The following DCSTAMP variants were observed in gnomAD, a reference collection of about 807,000 sequenced individuals.
The protein encoded by DCSTAMP is dendrocyte expressed seven transmembrane protein, also known as dendritic cell-specific transmembrane protein.
Under a neutral mutation model 33.8 loss-of-function variants are expected in DCSTAMP, and 25 were observed. That is an observed-to-expected ratio of 0.74 (90% CI 0.54 to 1.03). The LOEUF (loss-of-function observed/expected upper bound fraction) is 1.03. Ranked by LOEUF, DCSTAMP falls within the 50% of genes least tolerant of loss-of-function variation. DCSTAMP has a pLI of 0.00. For synonymous variants in DCSTAMP, 245 were observed against 216.7 expected (o/e 1.13, Z -1.15); for missense variants, 531 against 556.8 (o/e 0.95, Z 0.47).
At chr8:104,354,469 A>C (rs567886774) in intron 2 of DCSTAMP, among the ~76,000 whole-genome samples, 2 of 152,268 alleles carry the variant, frequency 1.3e-5, no homozygotes, top group African/African-American at 4.8e-5. Flanking sequence ...ATGTAGAAAC[A>C]AGTATTCCAT....
chr8:104,342,448 A>G (rs1258517557), intron 1 of DCSTAMP, among the ~76,000 whole-genome samples: 2 of 152,246 alleles, frequency 1.3e-5, no homozygotes, highest in Non-Finnish European at 2.9e-5. Flanking sequence ...AAGTCAGAAA[A>G]TCTGGTGACT....
At chr8:104,348,463 G>A in intron 1 of DCSTAMP, 78 bp from the exon 2 acceptor site, 1 of 1,425,668 alleles carries the variant, frequency 7.0e-7, no homozygotes, top group South Asian at 1.4e-5. Context: ...TTTGTAGTCA[G>A]TCTACCACCA....
intron 1 of DCSTAMP, among the ~76,000 whole-genome samples, chr8:104,344,446 A>T (rs1810236051): frequency 6.6e-6 from 1 of 152,216 alleles, no homozygotes; most frequent in African/African-American, 2.4e-5. Flanking sequence ...TATGCTGGAC[A>T]GTGCATATAT....
intron 2 of DCSTAMP, among the ~76,000 whole-genome samples, chr8:104,349,871 A>G (rs998084756): frequency 6.6e-6 from 1 of 152,044 alleles, no homozygotes; most frequent in Non-Finnish European, 1.5e-5. Flanking sequence ...TTCTGGGGGG[A>G]GAAGTATGAA....
At position 104,349,137 on chromosome 8, in the gene DCSTAMP, C is replaced by A; in HGVS notation, c.585C>A (p.Ser195Arg). 6.2e-7 allele frequency: 1 copy of A among 1,614,160 alleles called. No homozygotes were observed. The highest frequency in any genetic ancestry group is 8.5e-7 in the Non-Finnish European group (1 of 1,180,024). ...ATGACAGCAAAGGGGAAGTCCTGAGCGTCTTGTACCAGATGGCAACAACCA... is the reference window on the plus strand; with the variant it reads ...ATGACAGCAAAGGGGAAGTCCTGAGAGTCTTGTACCAGATGGCAACAACCA... ...QLNDSKGEVL[S>R]VLYQMATTTE... The change falls in exon 2 of 4, where the codon AGC (serine) becomes AGA (arginine). Residue 195 changes from serine to arginine, a missense_variant. By Grantham distance (110) the Ser-to-Arg change is moderately radical. Transcript: ENST00000297581.
rs748679226 is a variant in DCSTAMP at position 104,355,086 on chromosome 8, G to C, written c.1239G>C (p.Glu413Asp). ...LVSASFYPSV[E>D]RKRIQYLHAK... ...CAGCATCTTTCTACCCCAGCGTGGA[G>C]AGGAAGCGCATCCAATATCTGCATG... Residue 413 changes from glutamate (E) to aspartate (D), a missense_variant, in exon 3 of 4, where the codon GAG becomes GAC. Glu to Asp is a conservative substitution (Grantham distance 45, BLOSUM62 2). Coordinates refer to ENST00000297581, the MANE Select transcript of DCSTAMP (RefSeq NM_030788.4). The C allele has an allele frequency of 6.2e-7, 1 of 1,614,102 alleles. No individual in the cohort carries two copies. Among genetic ancestry groups the C allele is most frequent in the East Asian group, 2.2e-5 (1 of 44,870 alleles).
At chr8:104,352,812 G>T (rs1349035889) in intron 2 of DCSTAMP, among the ~76,000 whole-genome samples, 1 of 152,140 alleles carries the variant, frequency 6.6e-6, no homozygotes, top group Non-Finnish European at 1.5e-5. Context: ...ATGTGAGTAC[G>T]AGACTGCTGT....
In DCSTAMP at chr8:104,348,671, C is replaced by T. The variant is rs374370932; in HGVS notation, c.119C>T (p.Ala40Val). The change falls in exon 2 of 4, where the codon GCT becomes GTT. Residue 40 changes from alanine (A) to valine (V), a missense_variant. Physicochemically the swap from Ala to Val is moderately conservative, Grantham distance 64. Transcript: ENST00000297581. Reference protein sequence around the residue: ...IQHLGVCCLVALISVGLLSVA... With the variant: ...IQHLGVCCLVVLISVGLLSVA... ...CATTTGGGAGTTTGCTGTTTGGTTG[C>T]TCTTATTTCAGTGGGCCTCCTGTCT... 6 of 1,614,088 alleles carry T rather than the reference C, an allele frequency of 3.7e-6. No individual in the cohort carries two copies. The highest frequency in any genetic ancestry group is 5.1e-6 in the Non-Finnish European group (6 of 1,180,044).
intron 1 of DCSTAMP, among the ~76,000 whole-genome samples, chr8:104,343,482 G>T (rs1352388036): frequency 3.3e-5 from 5 of 152,188 alleles, no homozygotes; most frequent in Non-Finnish European, 7.3e-5. Context: ...TGGACAGAAT[G>T]TTTGTGTCTT....
intron 1 of DCSTAMP, among the ~76,000 whole-genome samples, chr8:104,346,755 CAT>C (rs937958419): frequency 1.2e-4 from 19 of 152,356 alleles, no homozygotes; most frequent in East Asian, 7.7e-4. Flanking sequence ...GAAATTTACA[CAT>C]GTTTATTCAT....
chr8:104,346,921 C>T (rs1810329896), intron 1 of DCSTAMP, among the ~76,000 whole-genome samples: 1 of 152,254 alleles, frequency 6.6e-6, no homozygotes, highest in Non-Finnish European at 1.5e-5. Flanking sequence ...TTCACTGGCT[C>T]TCACTGTATT....
Position 104,348,685 on chromosome 8 carries a change from G to A in DCSTAMP, c.133G>A (p.Gly45Ser), listed in dbSNP as rs2140472589. The A allele has an allele frequency of 6.2e-7, 1 of 1,614,122 alleles. No individual in the cohort carries two copies. Among genetic ancestry groups the A allele is most frequent in the South Asian group, 1.1e-5 (1 of 91,062 alleles). ...CTGTTTGGTTGCTCTTATTTCAGTG[G>A]GCCTCCTGTCTGTGGCCGCCTGCTG... ...VCCLVALISVGLLSVAACWFL... is the reference protein window; with the variant it reads ...VCCLVALISVSLLSVAACWFL... The change falls in exon 2 of 4, where the codon GGC becomes AGC. Residue 45 changes from glycine to serine, a missense_variant. Physicochemically the swap from Gly to Ser is moderately conservative, Grantham distance 56 (BLOSUM62 0). Transcript: ENST00000297581.
intron 1 of DCSTAMP, among the ~76,000 whole-genome samples, chr8:104,344,650 TA>T (rs1472783738): frequency 2.6e-5 from 4 of 152,158 alleles, no homozygotes; most frequent in African/African-American, 4.8e-5. Flanking sequence ...AGTGATCACG[TA>T]CTCAAGTCTA....
intron 1 of DCSTAMP, among the ~76,000 whole-genome samples, chr8:104,343,702 T>G (rs1485933775): frequency 6.6e-6 from 1 of 152,234 alleles, no homozygotes; most frequent in Non-Finnish European, 1.5e-5. Flanking sequence ...AAATGATTTC[T>G]GGGTGCCATG....
chr8:104,349,237 C>A lies in DCSTAMP; in HGVS notation c.685C>A (p.Leu229Ile). Residue 229 changes from leucine to isoleucine, a missense_variant, in exon 2 of 4, where the codon CTC becomes ATC. Physicochemically the swap from Leu to Ile is conservative, Grantham distance 5. Transcript: ENST00000297581. ...TTCGCTCGTCCTGCTTGGCACTGGC[C>A]TCTTCATGAAGCGATTTTTGGGCCC... ...GLSLVLLGTGLFMKRFLGPCG... is the reference protein window; with the variant it reads ...GLSLVLLGTGIFMKRFLGPCG... 1 of 1,614,200 alleles carries A rather than the reference C, an allele frequency of 6.2e-7. No homozygotes were observed. Among genetic ancestry groups the A allele is most frequent in the Non-Finnish European group, 8.5e-7 (1 of 1,180,044 alleles).
At chr8:104,353,293 T>C (rs1448187326) in intron 2 of DCSTAMP, among the ~76,000 whole-genome samples, 1 of 152,216 alleles carries the variant, frequency 6.6e-6, no homozygotes, top group Non-Finnish European at 1.5e-5. Flanking sequence ...TGCCATTTAG[T>C]ATACTGCTCA....
At chr8:104,351,178 T>C (rs907059456) in intron 2 of DCSTAMP, among the ~76,000 whole-genome samples, 4 of 151,342 alleles carry the variant, frequency 2.6e-5, no homozygotes, top group African/African-American at 9.7e-5. Flanking sequence ...TATCTTTTCT[T>C]TTCCATTTTC....
intron 1 of DCSTAMP, among the ~76,000 whole-genome samples, chr8:104,341,202 G>A (rs996914616): frequency 6.6e-6 from 1 of 152,234 alleles, no homozygotes; most frequent in Non-Finnish European, 1.5e-5. Flanking sequence ...ACACATGGGT[G>A]ATGTGCAGCT....
chr8:104,342,734 G>T (rs957173817), intron 1 of DCSTAMP, among the ~76,000 whole-genome samples: 1 of 152,202 alleles, frequency 6.6e-6, no homozygotes, highest in Non-Finnish European at 1.5e-5. Flanking sequence ...AGACCAACAC[G>T]GAATGCACTT....
Sources: gnomAD v4.1 joint callset for allele counts (sites outside exome capture counted in the v4.1 genomes callset) on GRCh38, gnomAD v4.1.1 for gene constraint, MANE v1.5 for transcripts, NCBI Gene and HGNC (gene_info 2026-07-23, HGNC 2026-07-21) for gene names.